The following PAIP2 variants were observed in gnomAD, a reference collection of about 807,000 sequenced individuals.
The protein encoded by PAIP2 is poly(A) binding protein interacting protein 2.
PAIP2 carries 7 observed loss-of-function variants against 14.8 expected under a neutral mutation model. The ratio of observed to expected loss-of-function variants is 0.47; its 90% CI spans 0.27 to 0.89. The LOEUF (loss-of-function observed/expected upper bound fraction) is 0.89, where lower values mean the gene tolerates loss of function less well. Ranked by LOEUF, PAIP2 falls within the 40% of genes least tolerant of loss-of-function variation. The probability of loss-of-function intolerance (pLI) is 0.13; values close to 1 mark genes in which losing one functional copy is unlikely to be tolerated. For missense variants in PAIP2, 122 were observed against 154.7 expected (o/e 0.79, Z 1.12); for synonymous variants, 47 against 45.3 (o/e 1.04, Z -0.15).
At chr5:139,365,456 C>T (rs1581324361) in intron 3 of PAIP2, among the ~76,000 whole-genome samples, 1 of 151,506 alleles carries the variant, frequency 6.6e-6, no homozygotes, top group African/African-American at 2.4e-5. Context: ...CACCATTGCA[C>T]TCCAGCCTGG....
At chr5:139,366,626 G>T (rs1757264535) in intron 3 of PAIP2, among the ~76,000 whole-genome samples, 2 of 152,204 alleles carry the variant, frequency 1.3e-5, no homozygotes, top group African/African-American at 4.8e-5. Context: ...GCCCTGCAGA[G>T]TAACACTCTT....
chr5:139,366,227 G>C (rs1241690494), intron 3 of PAIP2, among the ~76,000 whole-genome samples: 3 of 147,930 alleles, frequency 2.0e-5, no homozygotes. Context: ...AAAAAAAAGC[G>C]GGGTGGGGGG....
chr5:139,344,223 G>T (rs1466468327), intron 1 of PAIP2, among the ~76,000 whole-genome samples: 1 of 152,180 alleles, frequency 6.6e-6, no homozygotes, highest in Non-Finnish European at 1.5e-5. Flanking sequence ...TTCAAATCCA[G>T]ATAGTCCAGA....
In PAIP2 at chr5:139,366,491, A is replaced by G. The variant is rs546870676; in HGVS notation, c.318+1748A>G. Among the ~76,000 whole-genome samples the G allele has an allele frequency of 5.8e-4, 89 of 152,282 alleles. 1 individual carries two copies. Among genetic ancestry groups the G allele is most frequent in the Admixed American group, 1.8e-3 (28 of 15,296 alleles). ...TGGTGTAGAGAGCACTGAAGTTTAC[A>G]TTGTGGTATATAGCCTTTGTTGCAG... is the stretch of plus-strand genomic sequence containing the variant. On this transcript the variant is annotated intron_variant, in intron 3 of 3. Transcript: ENST00000265192.
chr5:139,363,699 T>C (rs1757138313), intron 1 of PAIP2, 60 bp from the exon 2 acceptor site: 1 of 1,466,926 alleles, frequency 6.8e-7, no homozygotes, highest in Non-Finnish European at 9.3e-7. Flanking sequence ...TGAAACCTTG[T>C]CTCAGAAAGA....
chr5:139,353,723 CT>C (rs11371364), intron 1 of PAIP2, among the ~76,000 whole-genome samples: 38 of 145,708 alleles, frequency 2.6e-4, no homozygotes, highest in Admixed American at 4.8e-4. Context: ...ATTGTCTTTT[CT>C]TTTTTTTTTT....
At position 139,369,518 on chromosome 5, in the gene PAIP2, T is replaced by C. The variant is rs1312103622; in HGVS notation, c.*720T>C. On this transcript the variant is annotated 3_prime_UTR_variant, in exon 4 of 4. Transcript: ENST00000265192. Reference sequence around the variant, plus strand: ...CTGTAACATGATTTGAGTGGTGCTTTTCCTTGCTTTGTTAACCATCACGAG... The same window carrying C: ...CTGTAACATGATTTGAGTGGTGCTTCTCCTTGCTTTGTTAACCATCACGAG... 4 of 152,546 alleles carry C rather than the reference T, an allele frequency of 2.6e-5. No individual in the cohort carries two copies. Among genetic ancestry groups the C allele is most frequent in the Non-Finnish European group, 5.9e-5 (4 of 68,036 alleles). The allele number at this position is 152,546 out of a possible 1,614,324, so 9.4% of individuals were successfully genotyped here.
At chr5:139,364,873 T>C (rs1289797639) in intron 3 of PAIP2, 130 bp downstream of exon 3, 1 of 642,452 alleles carries the variant, frequency 1.6e-6, no homozygotes, top group Non-Finnish European at 2.6e-6. Flanking sequence ...TGGCCGGGCA[T>C]GTGGCTCACG....
chr5:139,364,604 G>A lies in PAIP2; in HGVS notation c.179G>A (p.Cys60Tyr). 1 of 1,610,162 alleles carries A rather than the reference G, an allele frequency of 6.2e-7. No homozygotes were observed. The highest frequency in any genetic ancestry group is 8.5e-7 in the Non-Finnish European group (1 of 1,176,696). Reference protein sequence around the residue: ...ELWEEEFIERCFQEMLEEEEE... With the variant: ...ELWEEEFIERYFQEMLEEEEE... ...TGGGAAGAAGAATTTATTGAACGCT[G>A]TTTCCAAGAAATGCTGGAAGAGGAA... Residue 60 changes from cysteine (C) to tyrosine (Y), a missense_variant, in exon 3 of 4, where the codon TGT (cysteine) becomes TAT (tyrosine). Cys to Tyr is a radical substitution (Grantham distance 194, BLOSUM62 -2). This residue lies in a region of PAIP2 where 34 missense variants were observed against 74.0 expected (regional missense o/e 0.46). Coordinates refer to ENST00000265192, the MANE Select transcript of PAIP2 (RefSeq NM_016480.5).
intron 1 of PAIP2, chr5:139,342,433 C>T (rs1208490810): frequency 6.6e-6 from 1 of 152,148 alleles, no homozygotes; most frequent in Non-Finnish European, 1.5e-5. Flanking sequence ...GTGCGCGCCT[C>T]AGCCGAGGCT....
chr5:139,368,902 A>G lies in PAIP2; in HGVS notation c.*104A>G, dbSNP rs1757475122. ...GCTCTCTTGTCACTGTGTTACACTT[A>G]TGCATTGCCAAAGTTTTTGTTAGTC... On this transcript the variant is annotated 3_prime_UTR_variant, in exon 4 of 4. Coordinates refer to ENST00000265192, the MANE Select transcript of PAIP2 (RefSeq NM_016480.5). The G allele has an allele frequency of 1.2e-6, 1 of 808,078 alleles. No homozygotes were observed. The highest frequency in any genetic ancestry group is 2.0e-6 in the Non-Finnish European group (1 of 492,980). The allele number at this position is 808,078 out of a possible 1,614,324, so 50.1% of individuals were successfully genotyped here. A position where few individuals can be genotyped will look rare whatever the true frequency, so the allele number is the denominator to read the frequency against.
intron 1 of PAIP2, among the ~76,000 whole-genome samples, chr5:139,352,488 G>GGT (rs1756764055): frequency 3.2e-5 from 3 of 94,840 alleles, no homozygotes; most frequent in African/African-American, 9.5e-5. Context: ...ATTCCTGCCA[G>GGT]TTTTTTTTTT....
intron 1 of PAIP2, among the ~76,000 whole-genome samples, chr5:139,345,133 C>A (rs1329474216): frequency 6.6e-6 from 1 of 152,060 alleles, no homozygotes; most frequent in African/African-American, 2.4e-5. Context: ...GCACGCTCCA[C>A]CTCCAGGGTT....
At chr5:139,365,687 A>G (rs1268878683) in intron 3 of PAIP2, among the ~76,000 whole-genome samples, 1 of 151,896 alleles carries the variant, frequency 6.6e-6, no homozygotes, top group Non-Finnish European at 1.5e-5. Context: ...GGAAAAAGGA[A>G]TTGTGCTGCT....
At chr5:139,359,936 A>G (rs1167657571) in intron 1 of PAIP2, among the ~76,000 whole-genome samples, 1 of 150,904 alleles carries the variant, frequency 6.6e-6, no homozygotes, top group Non-Finnish European at 1.5e-5. Flanking sequence ...GCACCACTGT[A>G]CTCTCCGTCT....
chr5:139,352,502 G>GTTTTTTTTTTTTTTTTT (rs536704901), intron 1 of PAIP2, among the ~76,000 whole-genome samples: 19 of 76,182 alleles, frequency 2.5e-4, no homozygotes, highest in Admixed American at 4.6e-4. Flanking sequence ...TTTTTTTGTT[G>GTTTTTTTTTTTTTTTTT]TTTTTTTTTT....
intron 1 of PAIP2, among the ~76,000 whole-genome samples, chr5:139,352,488 G>GTTTTTTTTTTTTTTTTTTTT (rs1185620394): frequency 1.7e-4 from 16 of 94,834 alleles, no homozygotes; most frequent in African/African-American, 5.1e-4. Context: ...ATTCCTGCCA[G>GTTTTTTTTTTTTTTTTTTTT]TTTTTTTTTT....
intron 1 of PAIP2, among the ~76,000 whole-genome samples, chr5:139,361,250 C>G (rs760077547): frequency 1.5e-4 from 23 of 151,838 alleles, no homozygotes; most frequent in Non-Finnish European, 2.6e-4. Flanking sequence ...ACACTTATGT[C>G]CTCTTAAGGA....
At chr5:139,352,012 G>C (rs879434185) in intron 1 of PAIP2, among the ~76,000 whole-genome samples, 5 of 152,034 alleles carry the variant, frequency 3.3e-5, no homozygotes, top group Non-Finnish European at 5.9e-5. Context: ...AAAGCATAAA[G>C]TGAAAAATTA....
Sources: gnomAD v4.1 joint callset for allele counts (sites outside exome capture counted in the v4.1 genomes callset) on GRCh38, gnomAD v4.1.1 for gene constraint, gnomAD v4.1.1 regional missense constraint, MANE v1.5 for transcripts, NCBI Gene and HGNC (gene_info 2026-07-23, HGNC 2026-07-21) for gene names.